Variants in CADM2 observed in about 807,000 individuals in gnomAD.
CADM2 encodes cell adhesion molecule 2, also known as immunoglobulin superfamily member 4D.
CADM2 carries 12 observed loss-of-function variants against 49.8 expected under a neutral mutation model. The ratio of observed to expected loss-of-function variants is 0.24; its 90% CI spans 0.15 to 0.39. CADM2 has a LOEUF of 0.39. CADM2 is among the 10% of genes least tolerant of loss of function. The probability of loss-of-function intolerance (pLI) is 1.00; values close to 1 mark genes in which losing one functional copy is unlikely to be tolerated. For synonymous variants in CADM2, 214 were observed against 175.4 expected (o/e 1.22, Z -1.74); for missense variants, 378 against 492.3 (o/e 0.77, Z 2.20).
At chr3:85,446,388 A>G (rs2037451779) in intron 1 of CADM2, among the ~76,000 whole-genome samples, 1 of 152,144 alleles carries the variant, frequency 6.6e-6, no homozygotes. Context: ...TTAAAGCAAG[A>G]CCATGGTCAA....
At chr3:85,649,684 C>T (rs149747626) in intron 1 of CADM2, among the ~76,000 whole-genome samples, 415 of 152,242 alleles carry the variant, frequency 2.7e-3, no homozygotes, top group African/African-American at 8.8e-3. Flanking sequence ...TTCTCTTAAA[C>T]GCAAAGGAGA....
intron 5 of CADM2, among the ~76,000 whole-genome samples, chr3:85,898,215 A>C (rs1715531940): frequency 6.6e-6 from 1 of 152,160 alleles, no homozygotes; most frequent in Non-Finnish European, 1.5e-5. Context: ...TGAGTGGTTG[A>C]GTTGAAAGAA....
chr3:85,954,260 T>A (rs1723782653), intron 7 of CADM2, among the ~76,000 whole-genome samples: 1 of 151,074 alleles, frequency 6.6e-6, no homozygotes, highest in African/African-American at 2.4e-5. Context: ...AATATGACTT[T>A]ACATATATGT....
intron 8 of CADM2, among the ~76,000 whole-genome samples, chr3:86,029,392 G>A (rs1176030755): frequency 6.6e-6 from 1 of 151,948 alleles, no homozygotes; most frequent in Non-Finnish European, 1.5e-5. Flanking sequence ...GAAGTTGATA[G>A]TACATGAATG....
chr3:85,881,946 A>G (rs1420389197), intron 3 of CADM2, among the ~76,000 whole-genome samples: 1 of 152,112 alleles, frequency 6.6e-6, no homozygotes, highest in Non-Finnish European at 1.5e-5. Flanking sequence ...TCACTCTCCT[A>G]TAAGAAGTGC....
intron 6 of CADM2, among the ~76,000 whole-genome samples, chr3:85,925,934 G>A (rs528454547): frequency 6.6e-6 from 1 of 151,984 alleles, no homozygotes; most frequent in South Asian, 2.1e-4. Flanking sequence ...TCAGGAGATC[G>A]AGACCATCCT....
intron 1 of CADM2, among the ~76,000 whole-genome samples, chr3:85,724,224 TTCTC>T (rs1352758367): frequency 3.9e-5 from 6 of 152,008 alleles, no homozygotes; most frequent in Non-Finnish European, 8.8e-5. Flanking sequence ...GTGCTTTACT[TTCTC>T]TCTTCCTTTT....
intron 1 of CADM2, among the ~76,000 whole-genome samples, chr3:85,484,820 C>T (rs2039352433): frequency 6.6e-6 from 1 of 151,912 alleles, no homozygotes. Flanking sequence ...CTCACTGATT[C>T]TTTATCAAAT....
chr3:85,157,225 G>A (rs1261153581), intron 1 of CADM2, among the ~76,000 whole-genome samples: 3 of 151,942 alleles, frequency 2.0e-5, no homozygotes, highest in Non-Finnish European at 4.4e-5. Context: ...CCATGCTCAT[G>A]GGTAGGAAGA....
chr3:85,212,897 T>TCTCTCTCTCTCTCTCTCTCTCTC (rs2041834022), intron 1 of CADM2, among the ~76,000 whole-genome samples: 9 of 145,142 alleles, frequency 6.2e-5, no homozygotes, highest in Admixed American at 3.5e-4. Context: ...TCTTTCTTTC[T>TCTCTCTCTCTCTCTCTCTCTCTC]TTTAATGGAG....
intron 8 of CADM2, among the ~76,000 whole-genome samples, chr3:86,011,224 C>CA (rs1412501332): frequency 1.3e-5 from 2 of 151,860 alleles, no homozygotes; most frequent in South Asian, 2.1e-4. Context: ...AATATTAATG[C>CA]AAAAATCCTA....
intron 1 of CADM2, among the ~76,000 whole-genome samples, chr3:85,617,632 C>T (rs796604449): frequency 2.0e-5 from 3 of 152,118 alleles, no homozygotes; most frequent in African/African-American, 2.4e-5. Context: ...CCCCTTTCCT[C>T]GGAGTTTGGG....
chr3:85,811,395 C>G (rs2072869205), intron 3 of CADM2, among the ~76,000 whole-genome samples: 2 of 152,126 alleles, frequency 1.3e-5, no homozygotes, highest in African/African-American at 4.8e-5. Flanking sequence ...TTTATTCTAC[C>G]TTCTAATGAT....
intron 1 of CADM2, among the ~76,000 whole-genome samples, chr3:85,162,038 G>A (rs1053378014): frequency 6.6e-6 from 1 of 151,924 alleles, no homozygotes; most frequent in Non-Finnish European, 1.5e-5. Context: ...AAGAAAGAAA[G>A]AAAAAACAAG....
intron 8 of CADM2, among the ~76,000 whole-genome samples, chr3:86,043,955 T>G (rs1351942358): frequency 6.6e-6 from 1 of 152,086 alleles, no homozygotes; most frequent in African/African-American, 2.4e-5. Flanking sequence ...AAACAAGAAA[T>G]GGGGAAACGG....
intron 8 of CADM2, among the ~76,000 whole-genome samples, chr3:85,973,903 G>A (rs943417137): frequency 6.6e-6 from 1 of 151,638 alleles, no homozygotes; most frequent in Non-Finnish European, 1.5e-5. Context: ...GGCTTAGCTG[G>A]TCAAGGAAGT....
intron 1 of CADM2, among the ~76,000 whole-genome samples, chr3:85,063,450 T>C (rs754591373): frequency 4.6e-5 from 7 of 152,022 alleles, no homozygotes; most frequent in Admixed American, 2.0e-4. Flanking sequence ...GCTAATGCCA[T>C]GTACTAAATG....
intron 8 of CADM2, among the ~76,000 whole-genome samples, chr3:85,988,405 A>C (rs1447507506): frequency 1.3e-5 from 2 of 152,194 alleles, no homozygotes; most frequent in Admixed American, 6.5e-5. Flanking sequence ...TATGTACATA[A>C]CATTTATACA....
At chr3:85,160,075 A>T (rs183165508) in intron 1 of CADM2, among the ~76,000 whole-genome samples, 208 of 152,246 alleles carry the variant, frequency 1.4e-3, no homozygotes, top group Non-Finnish European at 1.7e-3. Flanking sequence ...TAAAGGGGAG[A>T]GGGTTGGTAG....
Sources: allele counts gnomAD v4.1 joint callset (sites outside exome capture counted in the v4.1 genomes callset), GRCh38; gene constraint gnomAD v4.1.1; transcripts MANE v1.5; gene names NCBI Gene and HGNC (gene_info 2026-07-23, HGNC 2026-07-21).